The following TMF1 variants were observed in gnomAD, a reference collection of about 807,000 sequenced individuals.
TMF1 encodes the protein TATA element modulatory factor.
TMF1 carries 71 observed loss-of-function variants against 126.5 expected under a neutral mutation model. The ratio of observed to expected loss-of-function variants is 0.56; its 90% CI spans 0.46 to 0.68. The LOEUF (loss-of-function observed/expected upper bound fraction) is 0.68, where lower values mean the gene tolerates loss of function less well. Among genes scored for constraint, TMF1 ranks in the 30% least tolerant of loss-of-function variants. The probability of loss-of-function intolerance (pLI) is 0.00; values close to 1 mark genes in which losing one functional copy is unlikely to be tolerated. For missense variants in TMF1, 1,259 were observed against 1,253.2 expected (o/e 1.00, Z -0.07); for synonymous variants, 461 against 430.5 (o/e 1.07, Z -0.88).
chr3:69,043,601 G>T, intron 4 of TMF1, 149 bp downstream of exon 4: 2 of 742,046 alleles, frequency 2.7e-6, no homozygotes, highest in Non-Finnish European at 4.1e-6. Flanking sequence ...GCCACCACAC[G>T]TGGCCAAAAA....
At position 69,023,250 on chromosome 3, in the gene TMF1, C is replaced by T. The variant is rs773243297; in HGVS notation, c.3209G>A (p.Arg1070Gln). 4.3e-6 allele frequency: 7 copies of T among 1,611,562 alleles called. No individual in the cohort carries two copies. Among genetic ancestry groups the T allele is most frequent in the East Asian group, 4.5e-5 (2 of 44,722 alleles). Residue 1070 changes from arginine (R) to glutamine (Q), a missense_variant, in exon 17 of 17, where the codon CGA (arginine) becomes CAA (glutamine). Coordinates refer to ENST00000398559, the MANE Select transcript of TMF1 (RefSeq NM_007114.3). Reference sequence around the variant, plus strand: ...ATTTTTTACATCTTCGAGATCTAATCGAAGTTCTTCTGCCTCTTCTGCTTT... The same window carrying T: ...ATTTTTTACATCTTCGAGATCTAATTGAAGTTCTTCTGCCTCTTCTGCTTT... ...GEKAEEAEELRLDLEDVKNMY... is the reference protein window; with the variant it reads ...GEKAEEAEELQLDLEDVKNMY...
At chr3:69,028,332 G>T in intron 11 of TMF1, 37 bp from the exon 12 acceptor site, 3 of 1,438,182 alleles carry the variant, frequency 2.1e-6, no homozygotes, top group Non-Finnish European at 2.9e-6. Context: ...AACAGAAAAT[G>T]AAAAAGATGC....
In TMF1 at chr3:69,048,493, T is replaced by G; in HGVS notation, c.212A>C (p.Gln71Pro). The change falls in exon 2 of 17, where the codon CAG (glutamine) becomes CCG (proline). Residue 71 changes from glutamine to proline, a missense_variant. Coordinates refer to ENST00000398559, the MANE Select transcript of TMF1 (RefSeq NM_007114.3). The stretch of plus-strand genomic sequence containing the variant: ...TTTAGGAGAGGCTATTGGTGGACTC[T>G]GAGGTTCAGTGTTTGATTTCAACCC... ...TWGLKSNTEP[Q>P]SPPIASPKAI... 6.2e-7 allele frequency: 1 copy of G among 1,614,142 alleles called. No individual in the cohort carries two copies. The highest frequency in any genetic ancestry group is 8.5e-7 in the Non-Finnish European group (1 of 1,180,000).
chr3:69,039,164 C>A (rs532400075), intron 6 of TMF1, among the ~76,000 whole-genome samples, 155 bp from the exon 7 acceptor site: 4 of 152,330 alleles, frequency 2.6e-5, no homozygotes, highest in African/African-American at 9.6e-5. Flanking sequence ...TGGCTCACTG[C>A]AACCTCTGCC....
At position 69,021,683 on chromosome 3, in the gene TMF1, T is replaced by G. The variant is rs556539135; in HGVS notation, c.*1494A>C. On this transcript the variant is annotated 3_prime_UTR_variant, in exon 17 of 17. Transcript: ENST00000398559. ...TTTTAACTAAAAATTAAATAAGAGT[T>G]TGTTTTTTTTTTTTTGAGACGGAGT... 9 of 148,392 alleles carry G rather than the reference T, an allele frequency of 6.1e-5. No homozygotes were observed. The highest frequency in any genetic ancestry group is 1.3e-4 in the Admixed American group (2 of 14,940). The allele number at this position is 148,392 out of a possible 1,614,324, so 9.2% of individuals were successfully genotyped here. A position where few individuals can be genotyped will look rare whatever the true frequency, so the allele number is the denominator to read the frequency against.
At chr3:69,041,402 T>C (rs1320185212) in intron 5 of TMF1, among the ~76,000 whole-genome samples, 1 of 152,208 alleles carries the variant, frequency 6.6e-6, no homozygotes, top group Non-Finnish European at 1.5e-5. Context: ...GTTCAATAAA[T>C]ATTAGTTGAA....
rs2091721524 is a variant in TMF1, at chr3:69,020,143, A to G, written c.*3034T>C. The G allele has an allele frequency of 6.6e-6, 1 of 152,288 alleles. No individual in the cohort carries two copies. Among genetic ancestry groups the G allele is most frequent in the East Asian group, 1.9e-4 (1 of 5,190 alleles). The allele number at this position is 152,288 out of a possible 1,614,324, so 9.4% of individuals were successfully genotyped here. A position where few individuals can be genotyped will look rare whatever the true frequency, so the allele number is the denominator to read the frequency against. ...TATAAATCATATACTTTTAATAAGC[A>G]TTCAAATAAAACTCTCAATAAATGC... On this transcript the variant is annotated 3_prime_UTR_variant, in exon 17 of 17. Coordinates refer to ENST00000398559, the MANE Select transcript of TMF1 (RefSeq NM_007114.3).
chr3:69,033,770 C>A, intron 9 of TMF1, 66 bp from the exon 10 acceptor site: 1 of 1,400,538 alleles, frequency 7.1e-7, no homozygotes, highest in Non-Finnish European at 9.6e-7. Flanking sequence ...CACTAGCAAA[C>A]CTGAACTTTG....
At chr3:69,025,746 A>C (rs371444244) in intron 14 of TMF1, 34 bp from the exon 15 acceptor site, 17 of 1,588,512 alleles carry the variant, frequency 1.1e-5, no homozygotes, top group Non-Finnish European at 1.5e-5. Context: ...ACAGTTACTC[A>C]GTTATCATAG....
Position 69,047,797 on chromosome 3 carries a change from T to C in TMF1, c.908A>G (p.Glu303Gly). The change falls in exon 2 of 17, where the codon GAA (glutamate) becomes GGA (glycine). Residue 303 changes from glutamate (E) to glycine (G), a missense_variant. Glu to Gly is a moderately conservative substitution (Grantham distance 98, BLOSUM62 -2). Coordinates refer to ENST00000398559, the MANE Select transcript of TMF1 (RefSeq NM_007114.3). ...TTGGAAATCATCTAAACGATTATAT[T>C]CAGGACAAGCAGATGCAGAGAGAAG... ...FQLLSASACP[E>G]YNRLDDFQKL... is the part of the protein sequence containing the mutation. 1 of 1,614,070 alleles carries C rather than the reference T, an allele frequency of 6.2e-7. No individual in the cohort carries two copies. Among genetic ancestry groups the C allele is most frequent in the East Asian group, 2.2e-5 (1 of 44,868 alleles).
rs1488958687 is a variant in TMF1, at chr3:69,020,097, TTTC to T, written c.*3077_*3079del. On this transcript the variant is annotated 3_prime_UTR_variant, in exon 17 of 17. Transcript: ENST00000398559. Reference sequence around the variant, plus strand: ...AGATAAAACATCTACAGTTTTCTTTTTTCTTCTATTTTCTAAATATTATAAATC... The same window carrying T: ...AGATAAAACATCTACAGTTTTCTTTTTTCTATTTTCTAAATATTATAAATC... The T allele has an allele frequency of 2.6e-5, 4 of 152,128 alleles. No homozygotes were observed. Among genetic ancestry groups the T allele is most frequent in the East Asian group, 1.9e-4 (1 of 5,206 alleles). 9.4% of individuals were successfully genotyped at this position (152,128 alleles called of 1,614,324 possible).
chr3:69,025,383 T>C (rs2091762462), intron 15 of TMF1, 177 bp downstream of exon 15: 1 of 551,698 alleles, frequency 1.8e-6, no homozygotes, highest in African/African-American at 1.9e-5. Context: ...CTGTTATCCT[T>C]AGCTAATTTC....
chr3:69,052,170 G>C lies in TMF1; in HGVS notation c.-84C>G. ...GGGAAGGGTGCAGAGGAACGGCTTC[G>C]CTCCCCTTTTCCACTCGGCTGGTTC... On this transcript the variant is annotated 5_prime_UTR_variant, in exon 1 of 17. Coordinates refer to ENST00000398559, the MANE Select transcript of TMF1 (RefSeq NM_007114.3). 7.0e-7 allele frequency: 1 copy of C among 1,423,398 alleles called. No homozygotes were observed. 88.2% of individuals were successfully genotyped at this position (1,423,398 alleles called of 1,614,324 possible).
At chr3:69,050,337 G>C (rs1331221205) in intron 1 of TMF1, among the ~76,000 whole-genome samples, 2 of 151,330 alleles carry the variant, frequency 1.3e-5, no homozygotes, top group Non-Finnish European at 2.9e-5. Context: ...AGGATGAAAA[G>C]TATGTAGAAA....
Position 69,033,559 on chromosome 3 carries a change from G to A in TMF1, c.2390C>T (p.Ser797Phe). ...SSWEKLEKNL[S>F]DRLGESQTLL... Reference sequence around the variant, plus strand: ...ACTAAAGCAGTTACCAAGCCTATCAGAAAGATTCTTCTCTAATTTCTCCCA... The same window carrying A: ...ACTAAAGCAGTTACCAAGCCTATCAAAAAGATTCTTCTCTAATTTCTCCCA... Residue 797 changes from serine (S) to phenylalanine (F), a missense_variant, in exon 10 of 17, where the codon TCT becomes TTT. By Grantham distance (155) the Ser-to-Phe change is radical. Coordinates refer to ENST00000398559, the MANE Select transcript of TMF1 (RefSeq NM_007114.3). 6.2e-7 allele frequency: 1 copy of A among 1,612,856 alleles called. No individual in the cohort carries two copies. Among genetic ancestry groups the A allele is most frequent in the East Asian group, 2.2e-5 (1 of 44,822 alleles).
At chr3:69,041,197 C>T (rs1318832825) in intron 5 of TMF1, among the ~76,000 whole-genome samples, 1 of 152,104 alleles carries the variant, frequency 6.6e-6, no homozygotes, top group Non-Finnish European at 1.5e-5. Flanking sequence ...TATTGTAAGG[C>T]AAGGCAGTTA....
At chr3:69,039,236 C>A (rs1273209783) in intron 6 of TMF1, among the ~76,000 whole-genome samples, 1 of 152,154 alleles carries the variant, frequency 6.6e-6, no homozygotes, top group Non-Finnish European at 1.5e-5. Flanking sequence ...CAGATGTGCA[C>A]CACCACGCCC....
In TMF1 at chr3:69,050,128, C is replaced by T. The variant is rs145992506; in HGVS notation, c.143-1566G>A. Reference sequence around the variant, plus strand: ...TACAAAAATTAGGCAGGTGTGGTGACGCAAACCTGCAATCCCAGCTACTCG... The same window carrying T: ...TACAAAAATTAGGCAGGTGTGGTGATGCAAACCTGCAATCCCAGCTACTCG... On this transcript the variant is annotated intron_variant, in intron 1 of 16. Transcript: ENST00000398559. Among the ~76,000 whole-genome samples the T allele has an allele frequency of 2.4e-3, 370 of 151,878 alleles. 4 individuals are homozygous for T. The highest frequency in any genetic ancestry group is 0.013 in the East Asian group (69 of 5,160).
rs73110228 is a variant in TMF1, at chr3:69,047,989, C to T, written c.716G>A (p.Ser239Asn). 4.6e-3 allele frequency: 7,492 copies of T among 1,613,814 alleles called. 15 individuals are homozygous for T. Among genetic ancestry groups the T allele is most frequent in the Admixed American group, 5.8e-3 (348 of 60,014 alleles). The change falls in exon 2 of 17, where the codon AGC becomes AAC. Residue 239 changes from serine to asparagine, a missense_variant. Physicochemically the swap from Ser to Asn is conservative, Grantham distance 46. Transcript: ENST00000398559. ...PKEQKHEDRQ[S>N]NTPSPPVSTF... ...ACTAACAGGAGGAGAAGGTGTATTG[C>T]TCTGCCTGTCTTCATGTTTTTGTTC...
Sources: allele counts gnomAD v4.1 joint callset (sites outside exome capture counted in the v4.1 genomes callset), GRCh38; gene constraint gnomAD v4.1.1; transcripts MANE v1.5; gene names NCBI Gene and HGNC (gene_info 2026-07-23, HGNC 2026-07-21).